Variants in ASTN1 observed in about 807,000 individuals in gnomAD.
The protein encoded by ASTN1 is astrotactin-1.
Under a neutral mutation model 140.7 loss-of-function variants are expected in ASTN1, and 41 were observed. The observed-to-expected ratio is 0.29, with a 90% confidence interval of 0.23 to 0.38. The LOEUF is 0.38. Ranked by LOEUF, ASTN1 falls within the 10% of genes least tolerant of loss-of-function variation. The pLI, the probability that ASTN1 is intolerant of heterozygous loss-of-function variation, is 1.00. For synonymous variants in ASTN1, 640 were observed against 652.2 expected, an observed-to-expected ratio of 0.98 and a Z score of 0.29; for missense variants, 1,479 against 1,678.8, an observed-to-expected ratio of 0.88 and a Z score of 2.08.
intron 2 of ASTN1, among the ~76,000 whole-genome samples, chr1:177,040,150 G>A (rs111685320): frequency 2.0e-5 from 3 of 152,328 alleles, no homozygotes; most frequent in Non-Finnish European, 2.9e-5. Context: ...CATCTCCTTC[G>A]CAGATGAAAG....
intron 1 of ASTN1, among the ~76,000 whole-genome samples, chr1:177,077,771 T>C (rs939524275): frequency 6.6e-6 from 1 of 152,098 alleles, no homozygotes; most frequent in African/African-American, 2.4e-5. Flanking sequence ...AGCTGCCTCC[T>C]CCTTTAAAAG....
At chr1:176,955,903 G>A (rs1331568538) in intron 11 of ASTN1, among the ~76,000 whole-genome samples, 1 of 152,240 alleles carries the variant, frequency 6.6e-6, no homozygotes, top group Admixed American at 6.5e-5. Flanking sequence ...CAGTGTTTCA[G>A]CACTTAGAAT....
intron 14 of ASTN1, among the ~76,000 whole-genome samples, chr1:176,937,592 G>GA (rs1380242032): frequency 6.6e-6 from 1 of 151,554 alleles, no homozygotes; most frequent in Admixed American, 6.6e-5. Flanking sequence ...TAGGCCATAG[G>GA]AAAAAAAATT....
At chr1:177,035,232 T>C (rs773352455) in intron 2 of ASTN1, among the ~76,000 whole-genome samples, 1 of 152,190 alleles carries the variant, frequency 6.6e-6, no homozygotes, top group Non-Finnish European at 1.5e-5. Flanking sequence ...CCACAACTCT[T>C]ATTTCACAGC....
chr1:177,127,056 A>G (rs757236559), intron 1 of ASTN1, among the ~76,000 whole-genome samples: 1 of 152,226 alleles, frequency 6.6e-6, no homozygotes, highest in Non-Finnish European at 1.5e-5. Flanking sequence ...AAAGGCTTTT[A>G]GAGGGTGAGC....
At chr1:177,032,260 G>T (rs952575711) in intron 3 of ASTN1, among the ~76,000 whole-genome samples, 196 bp downstream of exon 3, 1 of 152,064 alleles carries the variant, frequency 6.6e-6, no homozygotes, top group African/African-American at 2.4e-5. Flanking sequence ...CAATTTACAC[G>T]GTTCTTCTGG....
intron 8 of ASTN1, among the ~76,000 whole-genome samples, chr1:176,985,121 G>A (rs1174819196): frequency 6.6e-6 from 1 of 152,192 alleles, no homozygotes; most frequent in African/African-American, 2.4e-5. Flanking sequence ...AGTCTGCCTT[G>A]TGGGGAGAAG....
intron 2 of ASTN1, among the ~76,000 whole-genome samples, chr1:177,058,937 C>T (rs1677943062): frequency 6.6e-6 from 1 of 152,096 alleles, no homozygotes. Context: ...AATGTGGCAA[C>T]AAGTACAAGC....
At chr1:176,889,314 C>G (rs1227785313) in intron 17 of ASTN1, among the ~76,000 whole-genome samples, 3 of 152,178 alleles carry the variant, frequency 2.0e-5, no homozygotes, top group African/African-American at 7.2e-5. Context: ...CTAGCCAAGT[C>G]AGGACTTTCT....
At chr1:176,929,754 A>T (rs1671123056) in intron 16 of ASTN1, among the ~76,000 whole-genome samples, 1 of 152,228 alleles carries the variant, frequency 6.6e-6, no homozygotes. Flanking sequence ...CACGCCAGTA[A>T]TCCCAGCACT....
chr1:177,141,921 A>G (rs1402183984), intron 1 of ASTN1, among the ~76,000 whole-genome samples: 2 of 152,216 alleles, frequency 1.3e-5, no homozygotes, highest in Non-Finnish European at 2.9e-5. Context: ...TTTTGTTAGT[A>G]TTGGTGTCAG....
At chr1:177,059,934 G>A (rs958429459) in intron 2 of ASTN1, among the ~76,000 whole-genome samples, 3 of 152,174 alleles carry the variant, frequency 2.0e-5, no homozygotes, top group East Asian at 1.9e-4. Flanking sequence ...GTCTCAACCT[G>A]CTATTAGGCT....
chr1:176,869,319 T>C (rs1434744053), intron 21 of ASTN1, among the ~76,000 whole-genome samples: 2 of 152,086 alleles, frequency 1.3e-5, no homozygotes. Flanking sequence ...ATTTGAGTAA[T>C]TCACTTTGTG....
intron 16 of ASTN1, among the ~76,000 whole-genome samples, chr1:176,914,371 G>A (rs1048406596): frequency 1.3e-5 from 2 of 152,150 alleles, no homozygotes; most frequent in African/African-American, 4.8e-5. Context: ...GGCAGGCTTC[G>A]CTGACTAGGT....
intron 1 of ASTN1, among the ~76,000 whole-genome samples, chr1:177,071,716 GCTT>G (rs1678645240): frequency 6.6e-6 from 1 of 152,164 alleles, no homozygotes; most frequent in Non-Finnish European, 1.5e-5. Flanking sequence ...GACCTGTAAA[GCTT>G]CTTCTCACTC....
chr1:177,131,916 GAACT>G (rs1681962372), intron 1 of ASTN1, among the ~76,000 whole-genome samples: 1 of 152,090 alleles, frequency 6.6e-6, no homozygotes, highest in African/African-American at 2.4e-5. Context: ...GCTTCTGTGG[GAACT>G]AATAAGGTGA....
intron 8 of ASTN1, among the ~76,000 whole-genome samples, chr1:177,003,642 C>G (rs1054133200): frequency 1.3e-5 from 2 of 151,970 alleles, no homozygotes; most frequent in Non-Finnish European, 2.9e-5. Flanking sequence ...GAAACCCTGT[C>G]TCTACTAAAA....
At chr1:177,047,231 C>T (rs916050725) in intron 2 of ASTN1, among the ~76,000 whole-genome samples, 2 of 152,070 alleles carry the variant, frequency 1.3e-5, no homozygotes, top group African/African-American at 2.4e-5. Flanking sequence ...AGTCATGGGG[C>T]AAAACTGAAT....
chr1:176,864,137 G>A lies in ASTN1; in HGVS notation c.*147C>T, dbSNP rs1432673333. Reference sequence around the variant, plus strand: ...CATCATACTGAAGAAGTTCTGCAGGGAGCAAGGATCACTTTCTCCCTGGTT... The same window carrying A: ...CATCATACTGAAGAAGTTCTGCAGGAAGCAAGGATCACTTTCTCCCTGGTT... On this transcript the variant is annotated 3_prime_UTR_variant, in exon 23 of 23. Transcript: ENST00000361833. 11 of 1,489,006 alleles carry A rather than the reference G, an allele frequency of 7.4e-6. No homozygotes were observed. The highest frequency in any genetic ancestry group is 9.8e-6 in the Non-Finnish European group (11 of 1,127,058). The allele number at this position is 1,489,006 out of a possible 1,614,324, so 92.2% of individuals were successfully genotyped here. A position where few individuals can be genotyped will look rare whatever the true frequency, so the allele number is the denominator to read the frequency against.
Sources: allele counts gnomAD v4.1 joint callset (sites outside exome capture counted in the v4.1 genomes callset), GRCh38; gene constraint gnomAD v4.1.1; transcripts MANE v1.5; gene names NCBI Gene and HGNC (gene_info 2026-07-23, HGNC 2026-07-21).